MAL2: variants seen among roughly 807,000 people sequenced by gnomAD.
MAL2 encodes mal, T cell differentiation protein 2.
MAL2 carries 17 observed loss-of-function variants against 18.1 expected under a neutral mutation model. That is an observed-to-expected ratio of 0.94 (90% CI 0.64 to 1.41). The LOEUF is 1.41. Among genes scored for constraint, MAL2 ranks in the 40% most tolerant of loss-of-function variants. MAL2 has a pLI of 0.00. For missense variants in MAL2, 222 were observed against 231.9 expected, an observed-to-expected ratio of 0.96 and a Z score of 0.28; for synonymous variants, 102 against 102.3, an observed-to-expected ratio of 1.00 and a Z score of 0.02.
At chr8:119,243,227 G>A (rs755114596) in intron 3 of MAL2, among the ~76,000 whole-genome samples, 190 bp from the exon 4 acceptor site, 16 of 151,046 alleles carry the variant, frequency 1.1e-4, no homozygotes, top group South Asian at 2.1e-4. Flanking sequence ...AAGGGGGGAG[G>A]GTAATTGTAT....
chr8:119,230,149 A>T (rs1182644233), intron 2 of MAL2, among the ~76,000 whole-genome samples: 1 of 152,174 alleles, frequency 6.6e-6, no homozygotes, highest in African/African-American at 2.4e-5. Context: ...GTCACTCTCC[A>T]GTGCAGGTTA....
chr8:119,231,887 A>C (rs948185151), intron 2 of MAL2, among the ~76,000 whole-genome samples: 1 of 150,952 alleles, frequency 6.6e-6, no homozygotes, highest in African/African-American at 2.5e-5. Flanking sequence ...GAAGTAGAGA[A>C]TAGAATGGTG....
intron 1 of MAL2, among the ~76,000 whole-genome samples, chr8:119,213,183 A>G (rs1817292285): frequency 6.6e-6 from 1 of 152,226 alleles, no homozygotes; most frequent in South Asian, 2.1e-4. Flanking sequence ...AAACTTAAAT[A>G]TAAGATGTAA....
intron 2 of MAL2, among the ~76,000 whole-genome samples, chr8:119,226,094 T>C (rs1817590358): frequency 6.6e-6 from 1 of 152,212 alleles, no homozygotes; most frequent in African/African-American, 2.4e-5. Context: ...AGGTTGCCTG[T>C]TCACTCTGAT....
chr8:119,221,034 C>T (rs1817454564), intron 1 of MAL2: 1 of 152,882 alleles, frequency 6.5e-6, no homozygotes, highest in Non-Finnish European at 1.5e-5. Flanking sequence ...CTATGTCGAA[C>T]ACATAATACT....
chr8:119,240,440 G>A, intron 3 of MAL2, 120 bp downstream of exon 3: 1 of 1,008,336 alleles, frequency 9.9e-7, no homozygotes, highest in South Asian at 1.7e-5. Context: ...CATTAAATAT[G>A]TAATAGCTAT....
chr8:119,227,457 T>A (rs562931198), intron 2 of MAL2, among the ~76,000 whole-genome samples: 1 of 152,326 alleles, frequency 6.6e-6, no homozygotes, highest in South Asian at 2.1e-4. Context: ...ACACAGCCTG[T>A]CCTTTGAGAG....
intron 1 of MAL2, among the ~76,000 whole-genome samples, chr8:119,217,811 T>C (rs1817382901): frequency 6.6e-6 from 1 of 152,184 alleles, no homozygotes; most frequent in Admixed American, 6.5e-5. Flanking sequence ...GAGTCGTCTC[T>C]ACTGAACAGG....
intron 1 of MAL2, 160 bp from the exon 2 acceptor site, chr8:119,221,427 T>G: frequency 1.2e-6 from 1 of 802,766 alleles, no homozygotes. Context: ...GAAGGCATCT[T>G]ACATAATAAG....
At position 119,221,734 on chromosome 8, in the gene MAL2, A is replaced by G. The variant is rs1482307862; in HGVS notation, c.280A>G (p.Ile94Val). 1.9e-6 allele frequency: 3 copies of G among 1,613,744 alleles called. No homozygotes were observed. Among genetic ancestry groups the G allele is most frequent in the Admixed American group, 3.3e-5 (2 of 59,986 alleles). Residue 94 changes from isoleucine to valine, a missense_variant, in exon 2 of 4, where the codon ATT (isoleucine) becomes GTT (valine). Physicochemically the swap from Ile to Val is conservative, Grantham distance 29. Coordinates refer to ENST00000614891, the MANE Select transcript of MAL2 (RefSeq NM_052886.3). ...GMFLSGMVAQ[I>V]DANWNFLDFA... ...GTTCCTCTCTGGCATGGTGGCTCAA[A>G]TTGATGCTAACTGGAACTTCCTGGT...
intron 2 of MAL2, among the ~76,000 whole-genome samples, chr8:119,226,808 T>G (rs904441802): frequency 6.6e-6 from 1 of 152,188 alleles, no homozygotes; most frequent in African/African-American, 2.4e-5. Flanking sequence ...AGTCAGAAAC[T>G]CTGGGAGTAG....
At chr8:119,233,197 C>T (rs993044200) in intron 2 of MAL2, among the ~76,000 whole-genome samples, 18 of 152,110 alleles carry the variant, frequency 1.2e-4, no homozygotes, top group Admixed American at 1.3e-4. Context: ...ATTTATAACA[C>T]TAAATGCCCA....
At chr8:119,224,186 T>G (rs1817532312) in intron 2 of MAL2, 1 of 152,228 alleles carries the variant, frequency 6.6e-6, no homozygotes, top group Admixed American at 6.5e-5. Context: ...CTTTCTAGCT[T>G]TTATATAAAT....
chr8:119,238,917 T>C (rs1316714094), intron 2 of MAL2, among the ~76,000 whole-genome samples: 1 of 151,618 alleles, frequency 6.6e-6, no homozygotes, highest in African/African-American at 2.4e-5. Context: ...CAAGCCAAAA[T>C]TGACAAATGG....
chr8:119,216,745 T>C (rs1178572945), intron 1 of MAL2, among the ~76,000 whole-genome samples: 1 of 152,236 alleles, frequency 6.6e-6, no homozygotes, highest in East Asian at 1.9e-4. Flanking sequence ...TTTTCCCTTA[T>C]GGGTAGTTTA....
At chr8:119,236,537 G>A (rs1156982791) in intron 2 of MAL2, among the ~76,000 whole-genome samples, 3 of 149,400 alleles carry the variant, frequency 2.0e-5, no homozygotes, top group Non-Finnish European at 3.0e-5. Flanking sequence ...TGACCACATA[G>A]TTGGAAGTAA....
chr8:119,229,313 CTTTT>C (rs60554580), intron 2 of MAL2, among the ~76,000 whole-genome samples: 21 of 137,474 alleles, frequency 1.5e-4, no homozygotes, highest in East Asian at 1.1e-3. Flanking sequence ...CTGTGGGCCT[CTTTT>C]TTTTTTTTTT....
At chr8:119,238,246 T>C (rs2129909106) in intron 2 of MAL2, among the ~76,000 whole-genome samples, 1 of 151,732 alleles carries the variant, frequency 6.6e-6, no homozygotes, top group South Asian at 2.1e-4. Flanking sequence ...GAAGGACCTC[T>C]TCAAGAACTA....
intron 2 of MAL2, among the ~76,000 whole-genome samples, chr8:119,230,801 G>A (rs934939368): frequency 4.6e-5 from 7 of 152,102 alleles, no homozygotes; most frequent in African/African-American, 1.7e-4. Context: ...ATTTGAATTT[G>A]GGGTTTGACC....
Sources: gnomAD v4.1 joint callset for allele counts (sites outside exome capture counted in the v4.1 genomes callset) on GRCh38, gnomAD v4.1.1 for gene constraint, MANE v1.5 for transcripts, NCBI Gene and HGNC (gene_info 2026-07-23, HGNC 2026-07-21) for gene names.